The following ARFRP1 variants were observed in gnomAD, a reference collection of about 807,000 sequenced individuals.
The protein encoded by ARFRP1 is ADP-ribosylation factor-related protein 1.
Under a neutral mutation model 30.3 loss-of-function variants are expected in ARFRP1, and 19 were observed. The observed-to-expected ratio is 0.63, with a 90% CI of 0.44 to 0.92. The LOEUF (loss-of-function observed/expected upper bound fraction) is 0.92. ARFRP1 is among the 40% of genes least tolerant of loss of function. ARFRP1 has a pLI of 0.00. For synonymous variants in ARFRP1, 133 were observed against 114.2 expected (o/e 1.16, Z -1.05); for missense variants, 245 against 267.5 (o/e 0.92, Z 0.59).
At chr20:63,701,581 G>T in intron 6 of ARFRP1, 1 of 591,376 alleles carries the variant, frequency 1.7e-6, no homozygotes. Context: ...GGGGAGAGGT[G>T]CCCTGCATAG....
Position 63,699,586 on chromosome 20 carries a change from G to A in ARFRP1, c.*857C>T, listed in dbSNP as rs754388904. The A allele has an allele frequency of 1.6e-4, 24 of 152,452 alleles. No homozygotes were observed. The highest frequency in any genetic ancestry group is 3.2e-4 in the Non-Finnish European group (22 of 68,160). The allele number at this position is 152,452 out of a possible 1,614,324, so 9.4% of individuals were successfully genotyped here. A position where few individuals can be genotyped will look rare whatever the true frequency, so the allele number is the denominator to read the frequency against. On this transcript the variant is annotated 3_prime_UTR_variant, in exon 8 of 8. Transcript: ENST00000622789. The stretch of plus-strand genomic sequence containing the variant: ...CGCTCCTGCCCACAGCCAGACTGAG[G>A]AAGAACACAGCACTCGGCAGGCCCA...
At chr20:63,702,661 G>C (rs2145554186) in intron 4 of ARFRP1, 1 of 201,156 alleles carries the variant, frequency 5.0e-6, no homozygotes, top group Non-Finnish European at 1.0e-5. Flanking sequence ...TTGAGCCTGG[G>C]AGGTTGAGGC....
At chr20:63,701,202 T>A (rs775381966) in intron 6 of ARFRP1, 1 of 528,242 alleles carries the variant, frequency 1.9e-6, no homozygotes, top group Non-Finnish European at 3.9e-6. Context: ...GATGTCCCTC[T>A]TGTCGGCTGA....
In ARFRP1 at chr20:63,700,392, C is replaced by T. The variant is rs761923517; in HGVS notation, c.*51G>A. 2 of 1,599,074 alleles carry T rather than the reference C, an allele frequency of 1.3e-6. No individual in the cohort carries two copies. Among genetic ancestry groups the T allele is most frequent in the Non-Finnish European group, 1.7e-6 (2 of 1,178,084 alleles). On this transcript the variant is annotated 3_prime_UTR_variant, in exon 8 of 8. Coordinates refer to ENST00000622789, the MANE Select transcript of ARFRP1 (RefSeq NM_001267547.3). ...AGCAGCATGGGAGCCAACAGGAGGCCACTCCTCCAGCACCAGGGGACCAGC... is the reference window on the plus strand; with the variant it reads ...AGCAGCATGGGAGCCAACAGGAGGCTACTCCTCCAGCACCAGGGGACCAGC...
At chr20:63,707,470 G>A (rs931168343) in intron 1 of ARFRP1, 9 of 176,884 alleles carry the variant, frequency 5.1e-5, no homozygotes, top group South Asian at 1.3e-4. Context: ...AGCCCCGCCT[G>A]GGCCACGGCA....
At chr20:63,706,169 G>A in intron 4 of ARFRP1, 188 bp downstream of exon 4, 1 of 578,856 alleles carries the variant, frequency 1.7e-6, no homozygotes. Flanking sequence ...CACTTTTGGG[G>A]CAACTTCAGC....
At chr20:63,705,509 G>A (rs1449158265) in intron 4 of ARFRP1, 1 of 438,730 alleles carries the variant, frequency 2.3e-6, no homozygotes. Flanking sequence ...GTGGGGAAGG[G>A]GCACCACACT....
chr20:63,705,877 T>C (rs1459196153), intron 4 of ARFRP1: 11 of 431,272 alleles, frequency 2.6e-5, no homozygotes, highest in Non-Finnish European at 4.7e-5. Context: ...GGTTTGAACA[T>C]TCCCAGACAC....
intron 4 of ARFRP1, chr20:63,703,558 G>A (rs1345341103): frequency 1.3e-5 from 2 of 152,384 alleles, no homozygotes; most frequent in Admixed American, 1.3e-4. Flanking sequence ...AACCCCTCAA[G>A]GGACCCTGCA....
In ARFRP1 at chr20:63,699,661, G is replaced by A. The variant is rs1343249027; in HGVS notation, c.*782C>T. 2 of 152,888 alleles carry A rather than the reference G, an allele frequency of 1.3e-5. No individual in the cohort carries two copies. The highest frequency in any genetic ancestry group is 1.3e-4 in the Admixed American group (2 of 15,332). 9.5% of individuals were successfully genotyped at this position (152,888 alleles called of 1,614,324 possible). A position where few individuals can be genotyped will look rare whatever the true frequency, so the allele number is the denominator to read the frequency against. On this transcript the variant is annotated 3_prime_UTR_variant, in exon 8 of 8. Transcript: ENST00000622789. ...CAGGACCAGCCTTACTCCCGAGCAG[G>A]GGACACAGGGCCCCACAGAGAACCC...
In ARFRP1 at chr20:63,700,268, CG is replaced by C; in HGVS notation, c.*174del. 1.0e-6 allele frequency: 1 copy of C among 987,228 alleles called. No individual in the cohort carries two copies. Among genetic ancestry groups the C allele is most frequent in the African/African-American group, 1.6e-5 (1 of 61,486 alleles). The allele number at this position is 987,228 out of a possible 1,614,324, so 61.2% of individuals were successfully genotyped here. On this transcript the variant is annotated 3_prime_UTR_variant, in exon 8 of 8. Transcript: ENST00000622789. The stretch of plus-strand genomic sequence containing the variant: ...CTGCCAGACTCCCCTCCAAAGCCTC[CG>C]GATGCCTACGCTTTTCCAGACATAG...
At chr20:63,706,860 G>C in intron 2 of ARFRP1, 122 bp from the exon 3 acceptor site, 2 of 1,259,352 alleles carry the variant, frequency 1.6e-6, no homozygotes, top group South Asian at 1.2e-5. Flanking sequence ...TGCTCTTCAG[G>C]AGGCTGGTGG....
Position 63,706,752 on chromosome 20 carries a change from C to T in ARFRP1, c.94-14G>A. The T allele has an allele frequency of 1.3e-6, 2 of 1,593,916 alleles. No homozygotes were observed. The highest frequency in any genetic ancestry group is 1.7e-6 in the Non-Finnish European group (2 of 1,161,704). On this transcript the variant is annotated splice_polypyrimidine_tract_variant and intron_variant, in intron 2 of 7. Coordinates refer to ENST00000622789, the MANE Select transcript of ARFRP1 (RefSeq NM_001267547.3). ...CTCCAGGAAGGTCTGAGGAGAGAGGCAGAGGCGAAACACATCAAGGAGGGG... is the reference window on the plus strand; with the variant it reads ...CTCCAGGAAGGTCTGAGGAGAGAGGTAGAGGCGAAACACATCAAGGAGGGG...
chr20:63,700,040 C>T lies in ARFRP1; in HGVS notation c.*403G>A, dbSNP rs1045841282. ...GAAGCCAGATGGCAGCCATGGCTGACGGGCCTCCTCCTCGATGGGGCGGAG... is the reference window on the plus strand; with the variant it reads ...GAAGCCAGATGGCAGCCATGGCTGATGGGCCTCCTCCTCGATGGGGCGGAG... On this transcript the variant is annotated 3_prime_UTR_variant, in exon 8 of 8. Coordinates refer to ENST00000622789, the MANE Select transcript of ARFRP1 (RefSeq NM_001267547.3). The T allele has an allele frequency of 2.7e-5, 7 of 259,544 alleles. No individual in the cohort carries two copies. The highest frequency in any genetic ancestry group is 1.0e-4 in the East Asian group (1 of 9,990). 16.1% of individuals were successfully genotyped at this position (259,544 alleles called of 1,614,324 possible).
chr20:63,702,088 GC>G, intron 5 of ARFRP1, 47 bp downstream of exon 5: 2 of 1,550,118 alleles, frequency 1.3e-6, no homozygotes. Flanking sequence ...AGCTGGACCT[GC>G]CCCCACTCAC....
Position 63,698,657 on chromosome 20 carries a change from CTTATT to C in ARFRP1, c.*1781_*1785del, listed in dbSNP as rs1310082287. On this transcript the variant is annotated 3_prime_UTR_variant, in exon 8 of 8. Transcript: ENST00000622789. ...ATAGAAGAAATGAGGTTTCTTAAAG[CTTATT>C]TTTATAAAGCTTTTTCATAAAACTG... The C allele has an allele frequency of 4.5e-6, 6 of 1,319,344 alleles. No individual in the cohort carries two copies. The highest frequency in any genetic ancestry group is 5.9e-6 in the Non-Finnish European group (6 of 1,015,506). 81.7% of individuals were successfully genotyped at this position (1,319,344 alleles called of 1,614,324 possible).
rs933071621 is a variant in ARFRP1 at position 63,698,727 on chromosome 20, C to T, written c.*1716G>A. On this transcript the variant is annotated 3_prime_UTR_variant, in exon 8 of 8. Transcript: ENST00000622789. ...GCTACTGGGAGGGCAGCCGGGGACA[C>T]CTGAGCCGCCCGCTGTGCCCAGATC... The T allele has an allele frequency of 9.8e-6, 8 of 818,652 alleles. No individual in the cohort carries two copies. Among genetic ancestry groups the T allele is most frequent in the Non-Finnish European group, 1.4e-5 (8 of 576,050 alleles). 50.7% of individuals were successfully genotyped at this position (818,652 alleles called of 1,614,324 possible).
At chr20:63,702,447 G>A (rs1034406280) in intron 4 of ARFRP1, 27 of 555,176 alleles carry the variant, frequency 4.9e-5, no homozygotes, top group Non-Finnish European at 7.5e-5. Flanking sequence ...CCTGATGGTG[G>A]CCAAAGGTGA....
At chr20:63,702,361 G>A in intron 4 of ARFRP1, 144 bp from the exon 5 acceptor site, 1 of 734,818 alleles carries the variant, frequency 1.4e-6, no homozygotes. Context: ...CTTCTGGGAT[G>A]CATTCTGGGG....
Sources: allele counts gnomAD v4.1 joint callset, GRCh38; gene constraint gnomAD v4.1.1; transcripts MANE v1.5; gene names NCBI Gene and HGNC (gene_info 2026-07-23, HGNC 2026-07-21).